Variants in COPB2 observed in about 807,000 individuals in gnomAD.
The protein encoded by COPB2 is coat protein complex I subunit beta 2.
A neutral mutation model predicts 120.8 loss-of-function variants in COPB2; 16 were observed. The ratio of observed to expected loss-of-function variants is 0.13; its 90% CI spans 0.09 to 0.20. The LOEUF is 0.20. COPB2 is among the 10% of genes least tolerant of loss of function. The pLI is 1.00. For synonymous variants in COPB2, 332 were observed against 366.3 expected (o/e 0.91, Z 1.07); for missense variants, 794 against 1,076.5 (o/e 0.74, Z 3.67).
At chr3:139,377,965 C>A in intron 5 of COPB2, 76 bp downstream of exon 5, 1 of 1,330,920 alleles carries the variant, frequency 7.5e-7, no homozygotes. Context: ...ACATTTCTGA[C>A]CAGTCAACAG....
At chr3:139,358,305 AGGGAATTTACTC>A in intron 20 of COPB2, 34 bp from the exon 21 acceptor site, 2 of 1,565,384 alleles carry the variant, frequency 1.3e-6, no homozygotes, top group Non-Finnish European at 1.8e-6. Context: ...TATGAAGACA[AGGGAATTTACTC>A]GGGAATTTAA....
At chr3:139,374,693 G>T in intron 6 of COPB2, 105 bp from the exon 7 acceptor site, 1 of 749,524 alleles carries the variant, frequency 1.3e-6, no homozygotes, top group Non-Finnish European at 2.0e-6. Context: ...TAGTAGTCAT[G>T]AAAATCTAAA....
chr3:139,374,022 A>G (rs993777504), intron 7 of COPB2, among the ~76,000 whole-genome samples: 1 of 152,226 alleles, frequency 6.6e-6, no homozygotes, highest in Non-Finnish European at 1.5e-5. Flanking sequence ...AAGAATTACG[A>G]TTTTAAACAT....
intron 2 of COPB2, 40 bp downstream of exon 2, chr3:139,383,258 A>G (rs774625112): frequency 6.3e-7 from 1 of 1,599,196 alleles, no homozygotes; most frequent in South Asian, 1.1e-5. Flanking sequence ...ACAGTCTCAC[A>G]TAGTATTTTA....
intron 1 of COPB2, 85 bp from the exon 2 acceptor site, chr3:139,383,520 C>A (rs985720393): frequency 1.6e-5 from 20 of 1,225,984 alleles, no homozygotes; most frequent in Non-Finnish European, 7.6e-6. Context: ...ATGAATAGGC[C>A]TACAAAACAA....
At chr3:139,358,312 T>A (rs759981240) in intron 20 of COPB2, 41 bp from the exon 21 acceptor site, 15 of 1,540,564 alleles carry the variant, frequency 9.7e-6, no homozygotes, top group Non-Finnish European at 1.3e-5. Context: ...ACAAGGGAAT[T>A]TACTCGGGAA....
In COPB2 at chr3:139,389,632, G is replaced by A. The variant is rs1442339168; in HGVS notation, c.-82C>T. 7 of 1,395,080 alleles carry A rather than the reference G, an allele frequency of 5.0e-6. No individual in the cohort carries two copies. Among genetic ancestry groups the A allele is most frequent in the African/African-American group, 1.5e-5 (1 of 68,868 alleles). The allele number at this position is 1,395,080 out of a possible 1,614,324, so 86.4% of individuals were successfully genotyped here. A position where few individuals can be genotyped will look rare whatever the true frequency, so the allele number is the denominator to read the frequency against. On this transcript the variant is annotated 5_prime_UTR_variant, in exon 1 of 22. The change creates a new upstream start codon in the 5' untranslated region. Coordinates refer to ENST00000333188, the MANE Select transcript of COPB2 (RefSeq NM_004766.3). ...AGATAAACCCACCGATCCACTGACCGTCAGACTGACTGACGTGGAACTTCC... is the reference window on the plus strand; with the variant it reads ...AGATAAACCCACCGATCCACTGACCATCAGACTGACTGACGTGGAACTTCC...
chr3:139,364,279 C>T (rs1941477101), intron 15 of COPB2, among the ~76,000 whole-genome samples: 1 of 152,124 alleles, frequency 6.6e-6, no homozygotes. Context: ...CATTCAGAAA[C>T]TCTAGATCCG....
Position 139,375,617 on chromosome 3 carries a change from G to A in COPB2, c.505-3C>T, listed in dbSNP as rs746880558. 14 of 1,613,438 alleles carry A rather than the reference G, an allele frequency of 8.7e-6. No individual in the cohort carries two copies. Among genetic ancestry groups the A allele is most frequent in the Non-Finnish European group, 1.2e-5 (14 of 1,179,588 alleles). Reference sequence around the variant, plus strand: ...GACGAAGAGCCCAACTGCCACACCTGCAGAGAGAAACAGCATCGGCCAGTC... The same window carrying A: ...GACGAAGAGCCCAACTGCCACACCTACAGAGAGAAACAGCATCGGCCAGTC... On this transcript the variant is annotated splice_polypyrimidine_tract_variant and splice_region_variant and intron_variant, in intron 5 of 21. Transcript: ENST00000333188.
chr3:139,383,004 C>T (rs1941841818), intron 2 of COPB2: 2 of 353,546 alleles, frequency 5.7e-6, no homozygotes, highest in African/African-American at 4.2e-5. Flanking sequence ...CGATTAAATA[C>T]TTTAGCAAGT....
rs535894197 is a variant in COPB2 at position 139,383,789 on chromosome 3, T to C, written c.4-354A>G. Among the ~76,000 whole-genome samples, 32 of 135,058 alleles carry C rather than the reference T, an allele frequency of 2.4e-4. 1 individual carries two copies. The South Asian group carries it at 8.0e-3, about 34-fold the overall frequency. 88.6% of individuals were successfully genotyped at this position (135,058 alleles called of 152,430 possible). ...GAGACAACTTTAAAATATTTATATA[T>C]TAATTCATTTTCAAATAACAAAAAT... On this transcript the variant is annotated intron_variant, in intron 1 of 21. Transcript: ENST00000333188.
At chr3:139,371,873 C>G in intron 9 of COPB2, 40 bp from the exon 10 acceptor site, 1 of 1,480,942 alleles carries the variant, frequency 6.8e-7, no homozygotes, top group South Asian at 1.1e-5. Flanking sequence ...TACAGAGGAC[C>G]AAAGACATGT....
intron 9 of COPB2, among the ~76,000 whole-genome samples, chr3:139,372,920 A>G (rs1186632994): frequency 1.3e-5 from 2 of 152,220 alleles, no homozygotes; most frequent in African/African-American, 4.8e-5. Flanking sequence ...TTGCCCTCAA[A>G]GGAGCACACA....
At chr3:139,381,362 T>A (rs925161916) in intron 2 of COPB2, 1 of 152,200 alleles carries the variant, frequency 6.6e-6, no homozygotes, top group Non-Finnish European at 1.5e-5. Flanking sequence ...TCTCAAGAAT[T>A]TGCTCTCAAT....
rs1297117652 is a variant in COPB2 at position 139,357,825 on chromosome 3, AATG to A, written c.*35_*37del. 2.7e-6 allele frequency: 3 copies of A among 1,129,748 alleles called. No homozygotes were observed. Among genetic ancestry groups the A allele is most frequent in the East Asian group, 2.4e-5 (1 of 41,790 alleles). The allele number at this position is 1,129,748 out of a possible 1,614,324, so 70.0% of individuals were successfully genotyped here. A position where few individuals can be genotyped will look rare whatever the true frequency, so the allele number is the denominator to read the frequency against. ...GTAGCAATCAATACCTATATATAAT[AATG>A]ATCTGTTTAGTCAGGTAAATGGAAA... On this transcript the variant is annotated 3_prime_UTR_variant, in exon 22 of 22. Transcript: ENST00000333188.
Position 139,371,982 on chromosome 3 carries a change from C to T in COPB2, c.1095-149G>A, listed in dbSNP as rs976824029. The T allele has an allele frequency of 4.5e-5, 27 of 604,022 alleles. No individual in the cohort carries two copies. The African/African-American group carries it at 4.9e-4, about 11-fold the overall frequency. 37.4% of individuals were successfully genotyped at this position (604,022 alleles called of 1,614,324 possible). On this transcript the variant is annotated intron_variant, in intron 9 of 21. Coordinates refer to ENST00000333188, the MANE Select transcript of COPB2 (RefSeq NM_004766.3). ...AATTTAACATCTTTTAAAAGTTATACATTTCTTTGAATACAAAGTTACAAA... is the reference window on the plus strand; with the variant it reads ...AATTTAACATCTTTTAAAAGTTATATATTTCTTTGAATACAAAGTTACAAA...
chr3:139,380,726 A>G (rs901223089), intron 2 of COPB2: 2 of 152,242 alleles, frequency 1.3e-5, no homozygotes, highest in Admixed American at 1.3e-4. Context: ...TTTTCAAGCC[A>G]GAGTTCAAAG....
chr3:139,385,022 G>A (rs905086424), intron 1 of COPB2: 2 of 152,060 alleles, frequency 1.3e-5, no homozygotes, highest in African/African-American at 2.4e-5. Flanking sequence ...TTTTTGAGAC[G>A]AAGTCTCGCT....
At chr3:139,360,984 G>T in intron 17 of COPB2, 97 bp downstream of exon 17, 2 of 1,304,296 alleles carry the variant, frequency 1.5e-6, no homozygotes, top group Non-Finnish European at 2.2e-6. Context: ...AACACCATTT[G>T]GCCATTCATC....
Sources: allele counts gnomAD v4.1 joint callset (sites outside exome capture counted in the v4.1 genomes callset), GRCh38; gene constraint gnomAD v4.1.1; transcripts MANE v1.5; gene names NCBI Gene and HGNC (gene_info 2026-07-23, HGNC 2026-07-21).